Variants in ASB2 observed in about 807,000 individuals in gnomAD.
The protein encoded by ASB2 is ankyrin repeat and SOCS box containing 2.
Under a neutral mutation model 62.4 loss-of-function variants are expected in ASB2, and 58 were observed. That is an observed-to-expected ratio of 0.93 (90% CI 0.75 to 1.16). The LOEUF (loss-of-function observed/expected upper bound fraction) is 1.16, where lower values mean the gene tolerates loss of function less well. Ranked by LOEUF, ASB2 falls within the 50% of genes most tolerant of loss-of-function variation. ASB2 has a pLI of 0.00. For missense variants in ASB2, 928 were observed against 887.9 expected, an observed-to-expected ratio of 1.05 and a Z score of -0.57; for synonymous variants, 386 against 385.3, an observed-to-expected ratio of 1.00 and a Z score of -0.02.
At position 93,934,692 on chromosome 14, in the gene ASB2, C is replaced by T. The variant is rs745932458; in HGVS notation, c.1872G>A (p.Arg624=). 4 of 1,614,170 alleles carry T rather than the reference C, an allele frequency of 2.5e-6. No homozygotes were observed. In the South Asian group the frequency reaches 4.4e-5, roughly 18 times the overall value. ...TCTCGTATTTCAGGTATCTAATCAG[C>T]CTGCCTGGGAGCGGCAAGGTGTCTA... The part of the protein sequence containing the change: ...KLLDTLPLPG[R]LIRYLKYENT... Residue 624 remains arginine (R), a synonymous_variant, in exon 10 of 10, where the codon AGG becomes AGA. Coordinates refer to ENST00000555019, the MANE Select transcript of ASB2 (RefSeq NM_001202429.2).
At chr14:93,938,997 G>C (rs938144032) in intron 8 of ASB2, 111 bp downstream of exon 8, 43 of 976,298 alleles carry the variant, frequency 4.4e-5, no homozygotes, top group Non-Finnish European at 5.4e-5. Context: ...ACTAGTCCAC[G>C]CTGCTCCCAA....
rs777418566 is a variant in ASB2, at chr14:93,939,091, C to T, written c.1617+17G>A. On this transcript the variant is annotated intron_variant, in intron 8 of 9. Transcript: ENST00000555019. ...ACCCAAAAGGCGTGCTCCCCACCGC[C>T]AGCGTGCGCTGCCCACCTGCACCAC... 4.2e-6 allele frequency: 6 copies of T among 1,444,680 alleles called. No individual in the cohort carries two copies. The Admixed American group carries it at 1.1e-4, about 26-fold the overall frequency. 89.5% of individuals were successfully genotyped at this position (1,444,680 alleles called of 1,614,324 possible).
intron 1 of ASB2, among the ~76,000 whole-genome samples, chr14:93,972,357 G>A (rs1413089945): frequency 1.3e-5 from 2 of 152,170 alleles, no homozygotes; most frequent in African/African-American, 4.8e-5. Flanking sequence ...GCTCGGAGGT[G>A]TAGGACATTG....
At chr14:93,938,566 T>C (rs1888367628) in intron 8 of ASB2, among the ~76,000 whole-genome samples, 1 of 152,194 alleles carries the variant, frequency 6.6e-6, no homozygotes, top group African/African-American at 2.4e-5. Flanking sequence ...AGTAACAACA[T>C]GGACGTGTCC....
intron 8 of ASB2, 25 bp from the exon 9 acceptor site, chr14:93,937,876 A>G (rs764296035): frequency 6.3e-7 from 1 of 1,575,768 alleles, no homozygotes; most frequent in South Asian, 1.1e-5. Context: ...GCCGGGACCA[A>G]GAAGTGAGTT....
chr14:93,948,834 G>A (rs1047306149), intron 6 of ASB2, among the ~76,000 whole-genome samples: 1 of 152,258 alleles, frequency 6.6e-6, no homozygotes, highest in African/African-American at 2.4e-5. Context: ...TACTTGGAAG[G>A]CTGAGGTGCA....
chr14:93,949,035 T>C lies in ASB2; in HGVS notation c.881-1515A>G, dbSNP rs115962978. Among the ~76,000 whole-genome samples, 607 of 152,366 alleles carry C rather than the reference T, an allele frequency of 4.0e-3. 6 individuals carry two copies. Among genetic ancestry groups the C allele is most frequent in the African/African-American group, 0.014 (583 of 41,586 alleles). ...ACAATCTGCCTTCAGCTCAGTCTTC[T>C]ACACCTGCTTCATCTCCTCGGGCAG... On this transcript the variant is annotated intron_variant, in intron 6 of 9. Transcript: ENST00000555019.
intron 7 of ASB2, chr14:93,940,512 C>T (rs1224985026): frequency 1.3e-5 from 2 of 152,176 alleles, no homozygotes; most frequent in Admixed American, 1.3e-4. Context: ...TGTTTGGCCC[C>T]AACTAATTTG....
At chr14:93,943,394 G>C (rs6575368) in intron 7 of ASB2, among the ~76,000 whole-genome samples, 123,556 of 152,180 alleles carry the variant, frequency 0.81, 50,503 homozygotes, top group Middle Eastern at 0.94. Context: ...CCTGTAATCG[G>C]AGCACTTTGG....
At chr14:93,957,146 C>A (rs923462000) in intron 2 of ASB2, 5 of 1,353,276 alleles carry the variant, frequency 3.7e-6, no homozygotes, top group Middle Eastern at 5.5e-4. Flanking sequence ...CCCCGGTCCC[C>A]CTCCCCAGCC....
chr14:93,937,075 C>G (rs1314094728), intron 9 of ASB2, among the ~76,000 whole-genome samples: 1 of 152,144 alleles, frequency 6.6e-6, no homozygotes. Flanking sequence ...AGCTGGACAA[C>G]GAGCCTGCCC....
At chr14:93,962,142 T>A (rs1389555335) in intron 2 of ASB2, among the ~76,000 whole-genome samples, 4 of 86,874 alleles carry the variant, frequency 4.6e-5, no homozygotes, top group Non-Finnish European at 8.4e-5. Context: ...TGAGATGGAG[T>A]CTCGCTCTGT....
Position 93,939,095 on chromosome 14 carries a change from G to C in ASB2, c.1617+13C>G. ...AAAAGGCGTGCTCCCCACCGCCAGCGTGCGCTGCCCACCTGCACCACGCTG... is the reference window on the plus strand; with the variant it reads ...AAAAGGCGTGCTCCCCACCGCCAGCCTGCGCTGCCCACCTGCACCACGCTG... On this transcript the variant is annotated intron_variant, in intron 8 of 9. Coordinates refer to ENST00000555019, the MANE Select transcript of ASB2 (RefSeq NM_001202429.2). 1.4e-6 allele frequency: 2 copies of C among 1,450,226 alleles called. No homozygotes were observed. The highest frequency in any genetic ancestry group is 1.8e-6 in the Non-Finnish European group (2 of 1,102,068). 89.8% of individuals were successfully genotyped at this position (1,450,226 alleles called of 1,614,324 possible). A position where few individuals can be genotyped will look rare whatever the true frequency, so the allele number is the denominator to read the frequency against.
At chr14:93,936,618 G>C (rs899520608) in intron 9 of ASB2, among the ~76,000 whole-genome samples, 1 of 152,254 alleles carries the variant, frequency 6.6e-6, no homozygotes, top group Admixed American at 6.5e-5. Flanking sequence ...GTGGCTTCCA[G>C]GCACCTGTGC....
At position 93,954,387 on chromosome 14, in the gene ASB2, CTTG is replaced by C. The variant is rs759848214; in HGVS notation, c.405_407del (p.Asn135del). On this transcript the variant is annotated inframe_deletion, in exon 4 of 10. Coordinates refer to ENST00000555019, the MANE Select transcript of ASB2 (RefSeq NM_001202429.2). ...CCTCGTGCAGCGGCAGCCAGCCCTCCTTGTTGGGCTCTGCGAGATTCTTCCCTT... is the reference window on the plus strand; with the variant it reads ...CCTCGTGCAGCGGCAGCCAGCCCTCCTTGGGCTCTGCGAGATTCTTCCCTT... 5.6e-6 allele frequency: 9 copies of C among 1,614,112 alleles called. No homozygotes were observed. In the South Asian group the frequency reaches 9.9e-5, roughly 18 times the overall value.
intron 5 of ASB2, among the ~76,000 whole-genome samples, chr14:93,952,192 CCTT>C (rs1412616107): frequency 5.3e-5 from 8 of 152,224 alleles, no homozygotes; most frequent in African/African-American, 1.9e-4. Context: ...GAGAATAAAA[CCTT>C]CTTGAGCAGA....
At chr14:93,956,962 G>T in intron 2 of ASB2, 92 bp from the exon 3 acceptor site, 1 of 1,580,808 alleles carries the variant, frequency 6.3e-7, no homozygotes. Flanking sequence ...GATGGAGGGA[G>T]AGCCAGGGAG....
In ASB2 at chr14:93,934,761, T is replaced by A. The variant is rs772082719; in HGVS notation, c.1803A>T (p.Arg601=). 6.2e-7 allele frequency: 1 copy of A among 1,613,628 alleles called. No individual in the cohort carries two copies. Among genetic ancestry groups the A allele is most frequent in the South Asian group, 1.1e-5 (1 of 91,064 alleles). Residue 601 remains arginine, a synonymous_variant, in exon 10 of 10, where the codon CGA becomes CGT. Coordinates refer to ENST00000555019, the MANE Select transcript of ASB2 (RefSeq NM_001202429.2). ...TCCCAATGGCCTTTCGAACCCGCAG[T>A]CGGCAAAGGTGAGCCAGAGGTCTTG... is the stretch of plus-strand genomic sequence containing the variant. ...EPPRPLAHLC[R]LRVRKAIGKY...
chr14:93,944,349 C>T (rs925619524), intron 7 of ASB2, among the ~76,000 whole-genome samples: 15 of 152,238 alleles, frequency 9.9e-5, no homozygotes, highest in Non-Finnish European at 1.9e-4. Context: ...GAGGTGACTG[C>T]GACATCGGGA....
Sources: gnomAD v4.1 joint callset for allele counts (sites outside exome capture counted in the v4.1 genomes callset) on GRCh38, gnomAD v4.1.1 for gene constraint, MANE v1.5 for transcripts, NCBI Gene and HGNC (gene_info 2026-07-23, HGNC 2026-07-21) for gene names.